The following SDK1 variants were observed in gnomAD, a reference collection of about 807,000 sequenced individuals.
SDK1 encodes sidekick cell adhesion molecule 1.
SDK1 carries 157 observed loss-of-function variants against 245.5 expected under a neutral mutation model. The ratio of observed to expected loss-of-function variants is 0.64; its 90% CI spans 0.56 to 0.73. The LOEUF (loss-of-function observed/expected upper bound fraction) is 0.73. Ranked by LOEUF, SDK1 falls within the 30% of genes least tolerant of loss-of-function variation. The probability of loss-of-function intolerance (pLI) is 0.00; values close to 1 mark genes in which losing one functional copy is unlikely to be tolerated. For missense variants in SDK1, 3,583 were observed against 3,002.3 expected, an observed-to-expected ratio of 1.19 and a Z score of -4.52; for synonymous variants, 1,647 against 1,278.5, an observed-to-expected ratio of 1.29 and a Z score of -6.15.
chr7:3,628,655 C>T (rs563786895), intron 2 of SDK1, among the ~76,000 whole-genome samples: 4 of 152,322 alleles, frequency 2.6e-5, no homozygotes, highest in African/African-American at 9.6e-5. Context: ...TGAGTCCTGT[C>T]TTCCTCTTTG....
chr7:3,456,457 A>C lies in SDK1; in HGVS notation c.298+154573A>C, dbSNP rs150669446. 9.9e-5 allele frequency among the ~76,000 whole-genome samples: 15 copies of C among 152,226 alleles called. No individual in the cohort carries two copies. In the East Asian group the frequency reaches 2.9e-3, roughly 29 times the overall value. ...GGTCAATTCCATTGCTCTATCTTCAAGTTCACTGATTTTATGCTTTGTTAT... is the reference window on the plus strand; with the variant it reads ...GGTCAATTCCATTGCTCTATCTTCACGTTCACTGATTTTATGCTTTGTTAT... On this transcript the variant is annotated intron_variant, in intron 1 of 44. Coordinates refer to ENST00000404826, the MANE Select transcript of SDK1 (RefSeq NM_152744.4).
chr7:4,260,669 TTCA>T (rs1015926927), intron 44 of SDK1, among the ~76,000 whole-genome samples: 13 of 150,260 alleles, frequency 8.7e-5, no homozygotes, highest in African/African-American at 3.2e-4. Flanking sequence ...GGAAGATGTG[TTCA>T]TCGTCACCTG....
intron 1 of SDK1, among the ~76,000 whole-genome samples, chr7:3,349,471 T>A (rs1780599305): frequency 1.3e-5 from 2 of 152,164 alleles, no homozygotes; most frequent in African/African-American, 4.8e-5. Context: ...GAACACAGTG[T>A]CCATGAAGGA....
chr7:4,258,683 A>G (rs1309503961), intron 44 of SDK1, among the ~76,000 whole-genome samples: 2 of 152,190 alleles, frequency 1.3e-5, no homozygotes, highest in East Asian at 3.9e-4. Flanking sequence ...CAGACCCAAG[A>G]CGAGGAAATT....
chr7:4,041,496 C>T (rs773822696), intron 17 of SDK1, among the ~76,000 whole-genome samples: 26 of 152,204 alleles, frequency 1.7e-4, no homozygotes, highest in Non-Finnish European at 2.2e-4. Context: ...TCACGCTTGG[C>T]ACTGTGCATT....
chr7:3,652,255 C>T (rs1783034440), intron 4 of SDK1, among the ~76,000 whole-genome samples: 1 of 152,098 alleles, frequency 6.6e-6, no homozygotes, highest in Non-Finnish European at 1.5e-5. Context: ...TGGGGGATCC[C>T]AGCTATTATT....
intron 17 of SDK1, among the ~76,000 whole-genome samples, chr7:4,024,618 C>G (rs1787184861): frequency 6.6e-6 from 1 of 152,226 alleles, no homozygotes; most frequent in Admixed American, 6.5e-5. Context: ...CTTACATTCA[C>G]TGTCTTACTC....
At chr7:3,909,749 C>T (rs896645811) in intron 5 of SDK1, among the ~76,000 whole-genome samples, 4 of 152,160 alleles carry the variant, frequency 2.6e-5, no homozygotes, top group African/African-American at 9.7e-5. Flanking sequence ...AAGAACCATC[C>T]GTCTCTTAAT....
intron 40 of SDK1, among the ~76,000 whole-genome samples, chr7:4,231,664 C>G (rs1425090351): frequency 6.6e-6 from 1 of 152,080 alleles, no homozygotes; most frequent in Non-Finnish European, 1.5e-5. Context: ...ATTATACTAC[C>G]TTTCTGCCGG....
intron 29 of SDK1, among the ~76,000 whole-genome samples, 193 bp downstream of exon 29, chr7:4,146,109 C>G (rs7778648): frequency 0.019 from 2,791 of 143,282 alleles, 104 homozygotes; most frequent in African/African-American, 0.065. Flanking sequence ...GCATTGCATT[C>G]ACACCTTCAG....
chr7:3,704,439 C>T (rs1269985528), intron 4 of SDK1, among the ~76,000 whole-genome samples: 1 of 151,376 alleles, frequency 6.6e-6, no homozygotes, highest in Non-Finnish European at 1.5e-5. Context: ...TTTTAATTTG[C>T]ATTTCCCTGA....
chr7:3,506,661 C>G (rs73051831), intron 1 of SDK1, among the ~76,000 whole-genome samples: 16,042 of 152,142 alleles, frequency 0.11, 1,249 homozygotes, highest in African/African-American at 0.21. Context: ...TGCTCCCCAA[C>G]CTTCAGTTTA....
intron 1 of SDK1, among the ~76,000 whole-genome samples, chr7:3,600,810 A>G (rs748189438): frequency 2.6e-5 from 4 of 152,094 alleles, no homozygotes; most frequent in Admixed American, 6.5e-5. Flanking sequence ...GGCCTCCCAA[A>G]GTGCTGGAAT....
intron 5 of SDK1, among the ~76,000 whole-genome samples, chr7:3,826,245 T>G (rs750620990): frequency 6.6e-6 from 1 of 152,168 alleles, no homozygotes; most frequent in African/African-American, 2.4e-5. Flanking sequence ...TTATCAATTC[T>G]AAGCATTAAC....
rs571988945 is a variant in SDK1 at position 3,786,593 on chromosome 7, A to G, written c.714-34857A>G. Among the ~76,000 whole-genome samples, 5 of 152,326 alleles carry G rather than the reference A, an allele frequency of 3.3e-5. No homozygotes were observed. In the South Asian group the frequency reaches 6.2e-4, roughly 19 times the overall value. On this transcript the variant is annotated intron_variant, in intron 4 of 44. Coordinates refer to ENST00000404826, the MANE Select transcript of SDK1 (RefSeq NM_152744.4). ...AGCACTGGATGTCTTCTGATTAATC[A>G]AATTATTTCTGTGTCTCAGTGAATG... is the stretch of plus-strand genomic sequence containing the variant.
chr7:3,915,134 A>G (rs1779324481), intron 5 of SDK1, among the ~76,000 whole-genome samples: 1 of 152,238 alleles, frequency 6.6e-6, no homozygotes, highest in African/African-American at 2.4e-5. Context: ...GTATTTTCCA[A>G]ATAACAGGGT....
At chr7:4,083,745 C>CCTT (rs1562785285) in intron 22 of SDK1, among the ~76,000 whole-genome samples, 1 of 7,306 alleles carries the variant, frequency 1.4e-4, no homozygotes, top group South Asian at 6.5e-3. Flanking sequence ...TCCCTCCCTT[C>CCTT]CTTTACTTCC....
chr7:3,423,745 TCAGA>T (rs1238967353), intron 1 of SDK1, among the ~76,000 whole-genome samples: 1 of 152,138 alleles, frequency 6.6e-6, no homozygotes, highest in Non-Finnish European at 1.5e-5. Flanking sequence ...GACCAGAAGA[TCAGA>T]CAAATACCAT....
chr7:3,579,106 G>T (rs1675213196), intron 1 of SDK1, among the ~76,000 whole-genome samples: 1 of 151,872 alleles, frequency 6.6e-6, no homozygotes. Flanking sequence ...CTATATAAAG[G>T]GGGCTTATGA....
Sources: gnomAD v4.1 joint callset for allele counts (sites outside exome capture counted in the v4.1 genomes callset) on GRCh38, gnomAD v4.1.1 for gene constraint, MANE v1.5 for transcripts, NCBI Gene and HGNC (gene_info 2026-07-23, HGNC 2026-07-21) for gene names.